The following HYCC2 variants were observed in gnomAD, a reference collection of about 807,000 sequenced individuals.
HYCC2 encodes hyccin PI4KA lipid kinase complex subunit 2.
chr2:201,053,917 T>G, the HYCC2 span, among the ~76,000 whole-genome samples: 9 of 152,114 alleles, frequency 5.9e-5, no homozygotes, highest in African/African-American at 2.2e-4. Flanking sequence ...TGAGCTGAGA[T>G]TGCACCACTG....
chr2:201,038,492 C>G, the HYCC2 span, among the ~76,000 whole-genome samples: 1 of 152,098 alleles, frequency 6.6e-6, no homozygotes, highest in Admixed American at 6.5e-5. Flanking sequence ...TGGAACCAAC[C>G]CAAATGTCCA....
At chr2:201,022,111 G>GTT in the HYCC2 span, 2 of 1,289,266 alleles carry the variant, frequency 1.6e-6, no homozygotes, top group Non-Finnish European at 2.0e-6. Flanking sequence ...CTTGGAGGCT[G>GTT]TATCTGGGAA....
At chr2:201,038,636 C>T in the HYCC2 span, among the ~76,000 whole-genome samples, 10 of 152,100 alleles carry the variant, frequency 6.6e-5, no homozygotes, top group South Asian at 1.2e-3. Context: ...AGCAAACTAT[C>T]GCAAGGACAA....
the HYCC2 span, among the ~76,000 whole-genome samples, chr2:200,991,830 G>A: frequency 6.6e-6 from 1 of 151,974 alleles, no homozygotes; most frequent in Admixed American, 6.6e-5. Context: ...GGAGGCTGAG[G>A]CCAGCCTTGG....
At chr2:201,052,593 G>A in the HYCC2 span, among the ~76,000 whole-genome samples, 1 of 152,154 alleles carries the variant, frequency 6.6e-6, no homozygotes, top group Non-Finnish European at 1.5e-5. Context: ...AGACAAGAGT[G>A]AGACTCTGTC....
At chr2:201,045,637 T>C in the HYCC2 span, 3 of 396,932 alleles carry the variant, frequency 7.6e-6, no homozygotes, top group Non-Finnish European at 1.3e-5. Flanking sequence ...GAGGTAATAT[T>C]CTCAAGAATG....
the HYCC2 span, among the ~76,000 whole-genome samples, chr2:201,056,201 A>T: frequency 0.037 from 5,603 of 150,336 alleles, 299 homozygotes; most frequent in African/African-American, 0.12. Flanking sequence ...CTCAAAAAAA[A>T]AAATAAATAA....
At chr2:201,033,149 A>ATGTGTGTGTG in the HYCC2 span, among the ~76,000 whole-genome samples, 1 of 114,754 alleles carries the variant, frequency 8.7e-6, no homozygotes, top group African/African-American at 3.5e-5. Flanking sequence ...AGCTATTTGT[A>ATGTGTGTGTG]TGTGTGTGTA....
chr2:200,981,951 T>G, the HYCC2 span: 1 of 1,470,304 alleles, frequency 6.8e-7, no homozygotes, highest in South Asian at 1.4e-5. The surrounding 1 kb of genome is among the most constrained non-coding windows in gnomAD (Gnocchi z 4.5). Context: ...TGACCTTATC[T>G]CTTGGGCAAT....
the HYCC2 span, among the ~76,000 whole-genome samples, chr2:200,988,753 A>G: frequency 1.3e-5 from 2 of 152,192 alleles, no homozygotes; most frequent in Non-Finnish European, 2.9e-5. Flanking sequence ...TTAATCTCTG[A>G]TAAACATTAG....
the HYCC2 span, among the ~76,000 whole-genome samples, chr2:201,019,331 TTAAC>T: frequency 2.6e-5 from 4 of 152,150 alleles, no homozygotes; most frequent in African/African-American, 9.7e-5. Flanking sequence ...ACACTATATT[TTAAC>T]TAAGCACAGT....
the HYCC2 span, among the ~76,000 whole-genome samples, chr2:201,002,441 T>C: frequency 6.6e-6 from 1 of 152,120 alleles, no homozygotes; most frequent in East Asian, 1.9e-4. Flanking sequence ...GGAAAAACTC[T>C]CAAACTACTA....
the HYCC2 span, among the ~76,000 whole-genome samples, chr2:201,029,191 C>A: frequency 0.012 from 1,754 of 152,228 alleles, 41 homozygotes; most frequent in African/African-American, 0.04. Context: ...ATGCAGCCAA[C>A]AGACACATGA....
the HYCC2 span, among the ~76,000 whole-genome samples, chr2:201,013,533 C>T: frequency 6.7e-6 from 1 of 149,520 alleles, no homozygotes; most frequent in East Asian, 2.0e-4. Context: ...TCACCAAACA[C>T]AAACCCCAAA....
At chr2:201,028,205 C>A in the HYCC2 span, among the ~76,000 whole-genome samples, 1 of 152,128 alleles carries the variant, frequency 6.6e-6, no homozygotes, top group African/African-American at 2.4e-5. Context: ...TGAGTGAACT[C>A]CCATTCACAA....
chr2:201,006,245 C>G, the HYCC2 span, among the ~76,000 whole-genome samples: 2 of 151,544 alleles, frequency 1.3e-5, no homozygotes, highest in Non-Finnish European at 2.9e-5. Flanking sequence ...GTCCCTCCCT[C>G]AGCCTCTCAA....
At chr2:200,978,602 A>C in the HYCC2 span, 7 of 150,506 alleles carry the variant, frequency 4.7e-5, no homozygotes, top group African/African-American at 1.7e-4. Flanking sequence ...CAGCCTCCCG[A>C]GTAGCTGGGA....
chr2:200,997,737 G>A, the HYCC2 span, among the ~76,000 whole-genome samples: 11 of 152,106 alleles, frequency 7.2e-5, no homozygotes, highest in African/African-American at 2.2e-4. Flanking sequence ...CTATATTTCC[G>A]TTTTTAAAAA....
At chr2:201,000,137 T>C in the HYCC2 span, among the ~76,000 whole-genome samples, 5 of 149,950 alleles carry the variant, frequency 3.3e-5, no homozygotes, top group African/African-American at 1.2e-4. Context: ...TTTGGGAGGC[T>C]GAGGCAGGGA....
Sources: allele counts gnomAD v4.1 joint callset (sites outside exome capture counted in the v4.1 genomes callset), GRCh38; gene constraint gnomAD v4.1.1; non-coding constraint Gnocchi (gnomAD v3.1); transcripts MANE v1.5; gene names NCBI Gene and HGNC (gene_info 2026-07-23, HGNC 2026-07-21).